Variants in TAFA1 observed in about 807,000 individuals in gnomAD.
The protein encoded by TAFA1 is chemokine-like protein TAFA-1.
Under a neutral mutation model 18.5 loss-of-function variants are expected in TAFA1, and 4 were observed. The ratio of observed to expected loss-of-function variants is 0.22; its 90% confidence interval spans 0.11 to 0.49. TAFA1 has a LOEUF of 0.49. TAFA1 is among the 20% of genes least tolerant of loss of function. TAFA1 has a pLI of 0.98. For synonymous variants in TAFA1, 56 were observed against 55.2 expected, an observed-to-expected ratio of 1.01 and a Z score of -0.06; for missense variants, 147 against 169.0, an observed-to-expected ratio of 0.87 and a Z score of 0.72.
intron 2 of TAFA1, among the ~76,000 whole-genome samples, chr3:68,410,984 C>T (rs1295478171): frequency 6.6e-6 from 1 of 152,128 alleles, no homozygotes; most frequent in Non-Finnish European, 1.5e-5. Flanking sequence ...TACACATTTC[C>T]TAATTTCCAG....
chr3:68,401,039 T>C (rs986370672), intron 2 of TAFA1, among the ~76,000 whole-genome samples: 4 of 152,202 alleles, frequency 2.6e-5, no homozygotes, highest in African/African-American at 9.6e-5. Context: ...TGCTGGACAC[T>C]TGGGATAAGC....
intron 2 of TAFA1, among the ~76,000 whole-genome samples, chr3:68,053,248 G>A (rs1304117521): frequency 1.3e-5 from 2 of 152,012 alleles, no homozygotes; most frequent in Non-Finnish European, 2.9e-5. Flanking sequence ...GGGAAACAGA[G>A]TAGTTGGTGG....
intron 2 of TAFA1, among the ~76,000 whole-genome samples, chr3:68,043,332 T>A (rs968766472): frequency 2.0e-5 from 3 of 152,228 alleles, no homozygotes; most frequent in African/African-American, 4.8e-5. Context: ...TAAAAGGGAC[T>A]GTTAAAATTG....
chr3:68,357,364 G>A (rs1378740447), intron 2 of TAFA1, among the ~76,000 whole-genome samples: 1 of 135,520 alleles, frequency 7.4e-6, no homozygotes, highest in East Asian at 2.5e-4. Context: ...TAAGGTGGAA[G>A]GGTCTGTTTG....
intron 2 of TAFA1, among the ~76,000 whole-genome samples, chr3:68,291,776 C>A (rs2068114331): frequency 6.6e-6 from 1 of 152,064 alleles, no homozygotes; most frequent in African/African-American, 2.4e-5. Flanking sequence ...AACCACAAAT[C>A]ATGCTAGACT....
At chr3:68,287,703 TAA>T (rs780297297) in intron 2 of TAFA1, among the ~76,000 whole-genome samples, 4 of 152,162 alleles carry the variant, frequency 2.6e-5, no homozygotes, top group Non-Finnish European at 4.4e-5. Flanking sequence ...GAAATTATTT[TAA>T]CAGTGGATGT....
chr3:68,179,693 T>C (rs2066171057), intron 2 of TAFA1, among the ~76,000 whole-genome samples: 1 of 152,212 alleles, frequency 6.6e-6, no homozygotes, highest in Admixed American at 6.5e-5. Context: ...AATCTGCCTC[T>C]TCTTGATGTA....
chr3:68,456,979 A>G (rs1331459034), intron 3 of TAFA1, among the ~76,000 whole-genome samples: 1 of 152,190 alleles, frequency 6.6e-6, no homozygotes, highest in African/African-American at 2.4e-5. Flanking sequence ...AAGGTTTATG[A>G]TACTGCGCTA....
chr3:68,403,375 A>G (rs548968741), intron 2 of TAFA1, among the ~76,000 whole-genome samples: 2 of 152,340 alleles, frequency 1.3e-5, no homozygotes, highest in Admixed American at 6.5e-5. Flanking sequence ...TTGCTTGATC[A>G]TACAACAAGC....
intron 2 of TAFA1, among the ~76,000 whole-genome samples, chr3:68,319,204 T>G (rs1004073438): frequency 6.6e-6 from 1 of 152,218 alleles, no homozygotes; most frequent in African/African-American, 2.4e-5. Flanking sequence ...TACAGTTCAG[T>G]GTGTGTGATG....
chr3:68,136,364 TAGTC>T (rs1255396091), intron 2 of TAFA1, among the ~76,000 whole-genome samples: 5 of 152,166 alleles, frequency 3.3e-5, no homozygotes, highest in African/African-American at 1.2e-4. Flanking sequence ...TAAATGCAAA[TAGTC>T]AGGCTGAAGC....
intron 3 of TAFA1, among the ~76,000 whole-genome samples, chr3:68,430,509 G>T (rs948245824): frequency 5.9e-5 from 9 of 151,922 alleles, no homozygotes; most frequent in Non-Finnish European, 7.4e-5. Flanking sequence ...CTTAGAGGGG[G>T]CAATAAAGGA....
At chr3:68,117,433 G>A (rs1205815042) in intron 2 of TAFA1, among the ~76,000 whole-genome samples, 1 of 152,170 alleles carries the variant, frequency 6.6e-6, no homozygotes, top group Non-Finnish European at 1.5e-5. Context: ...AGAGTAGCGG[G>A]TATGATTTGC....
At chr3:68,074,713 C>A (rs1384277611) in intron 2 of TAFA1, among the ~76,000 whole-genome samples, 3 of 152,156 alleles carry the variant, frequency 2.0e-5, no homozygotes, top group Admixed American at 2.0e-4. Flanking sequence ...TATGGCAGAG[C>A]TGAAATTCAT....
chr3:68,261,701 G>A (rs2067425860), intron 2 of TAFA1, among the ~76,000 whole-genome samples: 1 of 152,126 alleles, frequency 6.6e-6, no homozygotes, highest in African/African-American at 2.4e-5. Flanking sequence ...TTGCTCATAG[G>A]TGGGAATTGA....
intron 2 of TAFA1, among the ~76,000 whole-genome samples, chr3:68,366,155 G>A (rs1396974743): frequency 6.6e-6 from 1 of 151,240 alleles, no homozygotes; most frequent in Non-Finnish European, 1.5e-5. Context: ...AACCATATTG[G>A]GGAAACCGCC....
At chr3:68,522,217 C>G (rs968324402) in intron 3 of TAFA1, among the ~76,000 whole-genome samples, 4 of 152,028 alleles carry the variant, frequency 2.6e-5, no homozygotes, top group Admixed American at 2.6e-4. Context: ...ATATGATAGG[C>G]TGATTTTGTG....
intron 3 of TAFA1, among the ~76,000 whole-genome samples, chr3:68,447,520 A>G (rs2071491161): frequency 6.6e-6 from 1 of 152,228 alleles, no homozygotes; most frequent in African/African-American, 2.4e-5. Flanking sequence ...CTTGTTCCAG[A>G]ACCATTGCTC....
intron 2 of TAFA1, among the ~76,000 whole-genome samples, chr3:68,038,321 A>G (rs1295677389): frequency 6.6e-6 from 1 of 152,186 alleles, no homozygotes; most frequent in Non-Finnish European, 1.5e-5. Context: ...GAAAGTCAAG[A>G]TTTTGTGTTC....
Sources: allele counts gnomAD v4.1 joint callset (sites outside exome capture counted in the v4.1 genomes callset), GRCh38; gene constraint gnomAD v4.1.1; transcripts MANE v1.5; gene names NCBI Gene and HGNC (gene_info 2026-07-23, HGNC 2026-07-21).